Variants in MTA3 observed in about 807,000 individuals in gnomAD.
MTA3 encodes metastasis-associated protein MTA3.
MTA3 carries 34 observed loss-of-function variants against 83.5 expected under a neutral mutation model. The ratio of observed to expected loss-of-function variants is 0.41; its 90% CI spans 0.31 to 0.54. MTA3 has a LOEUF of 0.54. MTA3 is among the 20% of genes least tolerant of loss of function. The probability of loss-of-function intolerance (pLI) is 0.33; values close to 1 mark genes in which losing one functional copy is unlikely to be tolerated. For synonymous variants in MTA3, 303 were observed against 252.7 expected (o/e 1.20, Z -1.89); for missense variants, 761 against 726.4 (o/e 1.05, Z -0.55).
At chr2:42,618,497 A>G (rs1685175242) in intron 4 of MTA3, among the ~76,000 whole-genome samples, 1 of 152,246 alleles carries the variant, frequency 6.6e-6, no homozygotes, top group African/African-American at 2.4e-5. Flanking sequence ...CATAAAAACA[A>G]TATAATTTAT....
chr2:42,622,161 G>A (rs1265429970), intron 4 of MTA3, among the ~76,000 whole-genome samples: 1 of 152,172 alleles, frequency 6.6e-6, no homozygotes, highest in African/African-American at 2.4e-5. Context: ...CCGGCACCTC[G>A]GGAGGCCGAG....
chr2:42,628,660 A>G (rs1225448857), intron 4 of MTA3, among the ~76,000 whole-genome samples: 1 of 152,202 alleles, frequency 6.6e-6, no homozygotes, highest in East Asian at 1.9e-4. Flanking sequence ...GAGATGCTGT[A>G]AAACTTCTTT....
At chr2:42,706,524 G>A (rs1342766510) in intron 12 of MTA3, among the ~76,000 whole-genome samples, 1 of 152,148 alleles carries the variant, frequency 6.6e-6, no homozygotes, top group African/African-American at 2.4e-5. Flanking sequence ...ACATTGGTTT[G>A]TGAAGTGTTA....
intron 2 of MTA3, among the ~76,000 whole-genome samples, chr2:42,532,036 G>A (rs917841497): frequency 6.6e-6 from 1 of 152,186 alleles, no homozygotes; most frequent in African/African-American, 2.4e-5. Flanking sequence ...GATTATAGGT[G>A]TGAGCCACCA....
At chr2:42,565,224 T>C (rs988996815), upstream of MTA3, among the ~76,000 whole-genome samples, 13 of 152,074 alleles carry the variant, frequency 8.5e-5, no homozygotes, top group African/African-American at 2.9e-4. Flanking sequence ...TCTTGCTCTA[T>C]TACCCAGGCT....
intron 12 of MTA3, among the ~76,000 whole-genome samples, chr2:42,706,901 T>G (rs950438490): frequency 6.6e-6 from 1 of 152,200 alleles, no homozygotes; most frequent in African/African-American, 2.4e-5. Flanking sequence ...TTTTACTTAT[T>G]GATTAAAATA....
Position 42,502,786 on chromosome 2 carries a change from A to G in MTA3, c.-141+7532A>G, listed in dbSNP as rs1674452290. The stretch of plus-strand genomic sequence containing the variant: ...CACTCCAGCCTGGGCAACAAGAACA[A>G]AACTCTGTCTCAAAAAAAAAAAAAA... On this transcript the variant is annotated intron_variant, in intron 2 of 17. Coordinates refer to the MTA3 transcript ENST00000405592. 3.1e-5 allele frequency among the ~76,000 whole-genome samples: 3 copies of G among 96,456 alleles called. No individual in the cohort carries two copies. In the South Asian group the frequency reaches 1.1e-3, roughly 35 times the overall value. 63.3% of individuals were successfully genotyped at this position (96,456 alleles called of 152,430 possible). A position where few individuals can be genotyped will look rare whatever the true frequency, so the allele number is the denominator to read the frequency against.
At chr2:42,608,127 C>T (rs1341122176) in intron 3 of MTA3, among the ~76,000 whole-genome samples, 2 of 152,172 alleles carry the variant, frequency 1.3e-5, no homozygotes, top group Non-Finnish European at 2.9e-5. Flanking sequence ...CGTATAAGAA[C>T]GTAAGATTTA....
At chr2:42,564,013 T>C (rs975126159), upstream of MTA3, among the ~76,000 whole-genome samples, 2 of 151,526 alleles carry the variant, frequency 1.3e-5, no homozygotes, top group African/African-American at 2.4e-5. Context: ...TTAGTAGAGA[T>C]GGCGTTTCAC....
At chr2:42,564,830 A>C (rs1677836212), upstream of MTA3, among the ~76,000 whole-genome samples, 1 of 152,108 alleles carries the variant, frequency 6.6e-6, no homozygotes, top group Non-Finnish European at 1.5e-5. Context: ...AGACTGGAAC[A>C]CAGTGGTGTG....
chr2:42,647,460 C>G (rs1374806294), intron 6 of MTA3, among the ~76,000 whole-genome samples: 1 of 151,972 alleles, frequency 6.6e-6, no homozygotes, highest in Non-Finnish European at 1.5e-5. Flanking sequence ...GTCCTGACTT[C>G]AAGCGATCTG....
Position 42,753,709 on chromosome 2 carries a change from C to G in MTA3, c.*310C>G, listed in dbSNP as rs988074364. ...TCCTCCCTTCTGCAGCGCCCTGCGC[C>G]CCACCCAGCAACAGCGGCCACTTGG... is the stretch of plus-strand genomic sequence containing the variant. On this transcript the variant is annotated 3_prime_UTR_variant, in exon 17 of 17. Coordinates refer to ENST00000405094, the MANE Select transcript of MTA3 (RefSeq NM_001330442.2). 1.7e-6 allele frequency: 2 copies of G among 1,203,568 alleles called. No homozygotes were observed. Among genetic ancestry groups the G allele is most frequent in the African/African-American group, 3.1e-5 (2 of 63,812 alleles). 74.6% of individuals were successfully genotyped at this position (1,203,568 alleles called of 1,614,324 possible).
chr2:42,711,659 C>A (rs1223749008), intron 14 of MTA3, among the ~76,000 whole-genome samples: 2 of 152,004 alleles, frequency 1.3e-5, no homozygotes, highest in East Asian at 1.9e-4. Flanking sequence ...CTTATACTTA[C>A]CTTGTTACAA....
chr2:42,593,303 A>G (rs963525805), intron 3 of MTA3, among the ~76,000 whole-genome samples: 3 of 151,958 alleles, frequency 2.0e-5, no homozygotes, highest in Admixed American at 1.3e-4. Flanking sequence ...CCTGACCAAC[A>G]TCGTGCTACT....
chr2:42,596,979 A>T (rs1359256230), intron 3 of MTA3, among the ~76,000 whole-genome samples: 1 of 151,930 alleles, frequency 6.6e-6, no homozygotes, highest in Non-Finnish European at 1.5e-5. Context: ...ATCTTGGCTC[A>T]CTGCAACCTC....
intron 2 of MTA3, among the ~76,000 whole-genome samples, chr2:42,556,564 G>A (rs945148556): frequency 6.6e-6 from 1 of 152,158 alleles, no homozygotes; most frequent in Non-Finnish European, 1.5e-5. Flanking sequence ...GCCACTGGCC[G>A]GGAGTCACTC....
At chr2:42,731,902 G>C (rs139652491) in intron 16 of MTA3, among the ~76,000 whole-genome samples, 1 of 152,162 alleles carries the variant, frequency 6.6e-6, no homozygotes, top group Non-Finnish European at 1.5e-5. Flanking sequence ...AAATACAGCC[G>C]TTCCAAATGG....
intron 4 of MTA3, among the ~76,000 whole-genome samples, chr2:42,618,483 T>A (rs1315418575): frequency 6.6e-6 from 1 of 152,268 alleles, no homozygotes; most frequent in East Asian, 1.9e-4. Flanking sequence ...GTGTATTTTC[T>A]GGTCATAAAA....
At chr2:42,702,668 C>T (rs1347006894) in intron 11 of MTA3, 4 of 152,300 alleles carry the variant, frequency 2.6e-5, no homozygotes, top group South Asian at 2.1e-4. Context: ...CAAAAAGTAT[C>T]GAGAATGAAA....
Sources: allele counts gnomAD v4.1 joint callset (sites outside exome capture counted in the v4.1 genomes callset), GRCh38; gene constraint gnomAD v4.1.1; transcripts MANE v1.5; gene names NCBI Gene and HGNC (gene_info 2026-07-23, HGNC 2026-07-21).